Variants in SUMF2 observed in about 807,000 individuals in gnomAD.
SUMF2 encodes the protein inactive C-alpha-formylglycine-generating enzyme 2.
SUMF2 carries 45 observed loss-of-function variants against 44.8 expected under a neutral mutation model. The ratio of observed to expected loss-of-function variants is 1.00; its 90% confidence interval spans 0.79 to 1.29. The LOEUF (loss-of-function observed/expected upper bound fraction) is 1.29. SUMF2 is among the 50% of genes most tolerant of loss of function. The pLI, the probability that SUMF2 is intolerant of heterozygous loss-of-function variation, is 0.00. For missense variants in SUMF2, 418 were observed against 389.9 expected, an observed-to-expected ratio of 1.07 and a Z score of -0.61; for synonymous variants, 148 against 150.4, an observed-to-expected ratio of 0.98 and a Z score of 0.12.
chr7:56,075,155 C>T (rs1795453032), intron 5 of SUMF2, among the ~76,000 whole-genome samples: 1 of 149,490 alleles, frequency 6.7e-6, no homozygotes, highest in African/African-American at 2.5e-5. Context: ...AGCAGTGCTT[C>T]TTAAGCTATC....
rs759622265 is a variant in SUMF2 at position 56,073,065 on chromosome 7, A to T, written c.293A>T (p.Asp98Val). Reference protein sequence around the residue: ...EMFGWSFVFEDFVSDELRNKA... With the variant: ...EMFGWSFVFEVFVSDELRNKA... ...TTTGGATGGAGCTTTGTCTTTGAGG[A>T]CTTTGTCTCTGATGAGCTGAGAAAC... Residue 98 changes from aspartate to valine, a missense_variant, in exon 3 of 9, where the codon GAC becomes GTC. Physicochemically the swap from Asp to Val is radical, Grantham distance 152. Coordinates refer to ENST00000434526, the MANE Select transcript of SUMF2 (RefSeq NM_015411.4). 1 of 1,613,968 alleles carries T rather than the reference A, an allele frequency of 6.2e-7. No individual in the cohort carries two copies. Among genetic ancestry groups the T allele is most frequent in the Non-Finnish European group, 8.5e-7 (1 of 1,180,028 alleles).
intron 3 of SUMF2, chr7:56,073,832 T>C: frequency 7.2e-6 from 2 of 278,280 alleles, no homozygotes; most frequent in Non-Finnish European, 1.4e-5. Flanking sequence ...GCAACATAGA[T>C]CCCATATCTA....
rs1329845690 is a variant in SUMF2 at position 56,080,669 on chromosome 7, C to G, written c.*1057C>G. On this transcript the variant is annotated 3_prime_UTR_variant, in exon 9 of 9. Transcript: ENST00000434526. The stretch of plus-strand genomic sequence containing the variant: ...TAAAATCTCCTGCAATTGTGTATCT[C>G]AGACATTTGTGTCTTTGATCCTCAC... The G allele has an allele frequency of 8.0e-6, 2 of 250,254 alleles. No homozygotes were observed. The highest frequency in any genetic ancestry group is 2.0e-4 in the East Asian group (2 of 9,906). The allele number at this position is 250,254 out of a possible 1,614,324, so 15.5% of individuals were successfully genotyped here.
chr7:56,074,361 G>C, intron 4 of SUMF2, 143 bp downstream of exon 4: 1 of 1,056,026 alleles, frequency 9.5e-7, no homozygotes, highest in East Asian at 2.5e-5. Context: ...CGCTCAGCAG[G>C]CCTGTTTCAC....
At chr7:56,074,975 G>A (rs570849605) in intron 5 of SUMF2, among the ~76,000 whole-genome samples, 2 of 152,164 alleles carry the variant, frequency 1.3e-5, no homozygotes, top group African/African-American at 2.4e-5. Context: ...GCATGTGCCT[G>A]TAGTCCCAGC....
chr7:56,081,987 C>A (rs377598630), downstream of SUMF2: 1 of 1,613,932 alleles, frequency 6.2e-7, no homozygotes, highest in Non-Finnish European at 8.5e-7. The surrounding 1 kb of genome is among the most constrained non-coding windows in gnomAD (Gnocchi z 4.6). Context: ...CATCTGCTTC[C>A]GGTGCCAGAA....
chr7:56,078,126 G>C lies in SUMF2; in HGVS notation c.616G>C (p.Ala206Pro). 2 of 1,612,902 alleles carry C rather than the reference G, an allele frequency of 1.2e-6. No homozygotes were observed. The highest frequency in any genetic ancestry group is 1.1e-5 in the South Asian group (1 of 91,024). ...GGGAAAGTTCCCCAAGGGAGACAAAGCTGAGGATGGCTTCCATGGAGTCTC... is the reference window on the plus strand; with the variant it reads ...GGGAAAGTTCCCCAAGGGAGACAAACCTGAGGATGGCTTCCATGGAGTCTC... Reference protein sequence around the residue: ...WQGKFPKGDKAEDGFHGVSPV... With the variant: ...WQGKFPKGDKPEDGFHGVSPV... The change falls in exon 7 of 9, where the codon GCT (alanine) becomes CCT (proline). Residue 206 changes from alanine (A) to proline (P), a missense_variant. By Grantham distance (27) the Ala-to-Pro change is conservative. Transcript: ENST00000434526.
At chr7:56,064,565 C>T (rs1264584245) in intron 1 of SUMF2, among the ~76,000 whole-genome samples, 187 bp downstream of exon 1, 19 of 152,124 alleles carry the variant, frequency 1.2e-4, no homozygotes, top group Non-Finnish European at 2.5e-4. Context: ...GTTGTGGAAT[C>T]TTTCAAACCT....
At chr7:56,076,995 A>C (rs540011939) in intron 6 of SUMF2, 106 bp downstream of exon 6, 3 of 1,025,248 alleles carry the variant, frequency 2.9e-6, no homozygotes, top group Admixed American at 2.5e-5. Flanking sequence ...TTCTAATGCA[A>C]CTGATGACTC....
intron 1 of SUMF2, among the ~76,000 whole-genome samples, chr7:56,068,031 CTTTTTTTT>C (rs565131237): frequency 1.2e-4 from 13 of 110,344 alleles, no homozygotes; most frequent in African/African-American, 3.0e-4. Context: ...TTTTTTCTTT[CTTTTTTTT>C]TTTTTTTTTT....
At chr7:56,065,948 G>A (rs1271331743) in intron 1 of SUMF2, among the ~76,000 whole-genome samples, 3 of 151,802 alleles carry the variant, frequency 2.0e-5, no homozygotes, top group Non-Finnish European at 4.4e-5. Context: ...GGGCGTGGTG[G>A]CGGGCGCCTG....
At chr7:56,081,161 G>C, downstream of SUMF2, 1 of 1,613,876 alleles carries the variant, frequency 6.2e-7, no homozygotes. The surrounding 1 kb of genome is among the most constrained non-coding windows in gnomAD (Gnocchi z 4.6). Flanking sequence ...CCATAGATTC[G>C]GAAAGCGTAG....
intron 5 of SUMF2, chr7:56,076,609 C>A: frequency 2.3e-6 from 1 of 425,716 alleles, no homozygotes; most frequent in Non-Finnish European, 4.2e-6. Flanking sequence ...GGTCCCAGAA[C>A]CATGCTTAGG....
the SUMF2 span, among the ~76,000 whole-genome samples, chr7:56,086,143 C>G: frequency 6.6e-6 from 1 of 151,600 alleles, no homozygotes; most frequent in African/African-American, 2.4e-5. Flanking sequence ...CCTGACCACT[C>G]GGTCTAAGGA....
downstream of SUMF2, chr7:56,081,712 G>A (rs144361738): frequency 9.7e-5 from 156 of 1,613,748 alleles, no homozygotes; most frequent in Non-Finnish European, 1.2e-4. This position sits in a 1 kb window ranked among gnomAD's most constrained non-coding sequence, Gnocchi z 4.6. Flanking sequence ...GGCCTCTTCC[G>A]CTGTGTAGCG....
chr7:56,077,980 GC>G (rs971629901), intron 6 of SUMF2, 121 bp from the exon 7 acceptor site: 49 of 770,246 alleles, frequency 6.4e-5, no homozygotes, highest in Non-Finnish European at 1.0e-4. Context: ...TTAGGTCACC[GC>G]CCCGTGCCCT....
chr7:56,086,466 A>G, the SUMF2 span, among the ~76,000 whole-genome samples: 5 of 152,074 alleles, frequency 3.3e-5, no homozygotes, highest in South Asian at 4.2e-4. Context: ...TGAGGCCAAG[A>G]GTTTTGGGGT....
intron 1 of SUMF2, among the ~76,000 whole-genome samples, chr7:56,065,117 C>A (rs948997940): frequency 2.1e-5 from 3 of 141,812 alleles, no homozygotes; most frequent in African/African-American, 7.9e-5. Flanking sequence ...GCGTGAACCC[C>A]GGGGGGTGGA....
rs1347345866 is a variant in SUMF2, at chr7:56,064,383, G to C, written c.67+5G>C. 3 of 1,601,520 alleles carry C rather than the reference G, an allele frequency of 1.9e-6. No homozygotes were observed. Among genetic ancestry groups the C allele is most frequent in the Non-Finnish European group, 2.6e-6 (3 of 1,174,646 alleles). On this transcript the variant is annotated splice_donor_5th_base_variant and intron_variant, in intron 1 of 8. Transcript: ENST00000434526. ...TCGGCGCGTGGCTCAAGCTAGGTCA[G>C]TGAACCGGCCGTCCATCCTGGGGGC...
Sources: allele counts gnomAD v4.1 joint callset (sites outside exome capture counted in the v4.1 genomes callset), GRCh38; gene constraint gnomAD v4.1.1; non-coding constraint Gnocchi (gnomAD v3.1); transcripts MANE v1.5; gene names NCBI Gene and HGNC (gene_info 2026-07-23, HGNC 2026-07-21).